The following LHFPL6 variants were observed in gnomAD, a reference collection of about 807,000 sequenced individuals.
The protein encoded by LHFPL6 is LHFPL tetraspan subfamily member 6 protein.
LHFPL6 carries 9 observed loss-of-function variants against 20.6 expected under a neutral mutation model. That is an observed-to-expected ratio of 0.44 (90% CI 0.26 to 0.76). LHFPL6 has a LOEUF of 0.76. Ranked by LOEUF, LHFPL6 falls within the 30% of genes least tolerant of loss-of-function variation. The probability of loss-of-function intolerance (pLI) is 0.20; values close to 1 mark genes in which losing one functional copy is unlikely to be tolerated. For missense variants in LHFPL6, 218 were observed against 253.5 expected (o/e 0.86, Z 0.95); for synonymous variants, 105 against 98.7 (o/e 1.06, Z -0.38).
intron 2 of LHFPL6, among the ~76,000 whole-genome samples, chr13:39,429,499 T>C (rs1012292215): frequency 6.6e-6 from 1 of 152,186 alleles, no homozygotes; most frequent in African/African-American, 2.4e-5. Context: ...TGTCTTTAAA[T>C]TTAAAGTGCA....
intron 2 of LHFPL6, among the ~76,000 whole-genome samples, chr13:39,593,716 T>C (rs1298483831): frequency 1.3e-5 from 2 of 151,940 alleles, no homozygotes; most frequent in Non-Finnish European, 2.9e-5. Flanking sequence ...CTTCAAACTA[T>C]ACTACAAGGC....
At chr13:39,368,412 T>C (rs1870065418) in intron 3 of LHFPL6, among the ~76,000 whole-genome samples, 1 of 152,034 alleles carries the variant, frequency 6.6e-6, no homozygotes, top group Non-Finnish European at 1.5e-5. Flanking sequence ...TGAAACCCTG[T>C]CTCTATTAAA....
intron 2 of LHFPL6, among the ~76,000 whole-genome samples, chr13:39,409,996 A>G (rs1002727219): frequency 7.2e-5 from 11 of 152,366 alleles, no homozygotes; most frequent in African/African-American, 2.6e-4. Context: ...CATGCCCAGC[A>G]CAAAATCCCA....
At chr13:39,352,972 C>T (rs9594329) in intron 3 of LHFPL6, among the ~76,000 whole-genome samples, 15,237 of 66,022 alleles carry the variant, frequency 0.23, 2,289 homozygotes, top group Admixed American at 0.3. Flanking sequence ...CACACACACA[C>T]ATATATATAT....
intron 2 of LHFPL6, among the ~76,000 whole-genome samples, chr13:39,447,345 C>T (rs187190276): frequency 1.3e-5 from 2 of 152,098 alleles, no homozygotes; most frequent in East Asian, 3.9e-4. Flanking sequence ...GTTCATAATG[C>T]CTATACTTCA....
intron 2 of LHFPL6, among the ~76,000 whole-genome samples, chr13:39,408,957 A>C (rs1235530282): frequency 6.6e-6 from 1 of 152,236 alleles, no homozygotes. Context: ...TTTTGTAAAG[A>C]GCCATCACAA....
intron 2 of LHFPL6, among the ~76,000 whole-genome samples, chr13:39,382,447 G>A (rs1206458576): frequency 2.0e-5 from 3 of 152,070 alleles, no homozygotes; most frequent in African/African-American, 7.2e-5. Flanking sequence ...CTGTTTCCCA[G>A]GCTGGAGTGC....
At chr13:39,536,017 G>A (rs929959634) in intron 2 of LHFPL6, among the ~76,000 whole-genome samples, 1 of 152,258 alleles carries the variant, frequency 6.6e-6, no homozygotes, top group East Asian at 1.9e-4. Flanking sequence ...AAGGAAAAAT[G>A]AGACACACTA....
intron 2 of LHFPL6, among the ~76,000 whole-genome samples, chr13:39,518,594 C>T (rs912384359): frequency 2.6e-5 from 4 of 152,102 alleles, no homozygotes; most frequent in Non-Finnish European, 5.9e-5. Context: ...AACTTTTTGA[C>T]ACTTCACACT....
chr13:39,492,798 A>G (rs949500839), intron 2 of LHFPL6, among the ~76,000 whole-genome samples: 1 of 151,996 alleles, frequency 6.6e-6, no homozygotes, highest in Non-Finnish European at 1.5e-5. Context: ...CTCCTGCCTC[A>G]GCCTCCCGAG....
intron 2 of LHFPL6, among the ~76,000 whole-genome samples, chr13:39,418,390 T>C (rs1871400976): frequency 2.2e-5 from 1 of 44,840 alleles, no homozygotes; most frequent in Non-Finnish European, 8.8e-5. Context: ...GTCTTTTTTT[T>C]TTTTTTTTTT....
At position 39,544,032 on chromosome 13, in the gene LHFPL6, A is replaced by G. The variant is rs144545160; in HGVS notation, c.385+56800T>C. On this transcript the variant is annotated intron_variant, in intron 2 of 3. Coordinates refer to ENST00000379589, the MANE Select transcript of LHFPL6 (RefSeq NM_005780.3). ...AAAACTATCATAGACTTTTATTTCAATGGGCAAGAGAGGTATAATTTCCAG... is the reference window on the plus strand; with the variant it reads ...AAAACTATCATAGACTTTTATTTCAGTGGGCAAGAGAGGTATAATTTCCAG... 9.1e-4 allele frequency among the ~76,000 whole-genome samples: 138 copies of G among 152,326 alleles called. 2 individuals are homozygous for G. The highest frequency in any genetic ancestry group is 3.2e-3 in the African/African-American group (135 of 41,570).
intron 2 of LHFPL6, among the ~76,000 whole-genome samples, chr13:39,576,410 G>A (rs757339561): frequency 1.3e-5 from 2 of 152,158 alleles, no homozygotes; most frequent in African/African-American, 2.4e-5. Flanking sequence ...ACAGGTACTA[G>A]TATTAAATAG....
intron 2 of LHFPL6, among the ~76,000 whole-genome samples, chr13:39,489,906 T>G (rs903021394): frequency 3.3e-5 from 5 of 152,074 alleles, no homozygotes; most frequent in African/African-American, 1.2e-4. Context: ...ACTACACAAT[T>G]TCTAAAGGGC....
rs551022763 is a variant in LHFPL6 at position 39,489,011 on chromosome 13, G to A, written c.386-110485C>T. Among the ~76,000 whole-genome samples the A allele has an allele frequency of 2.6e-4, 40 of 152,094 alleles. 1 individual carries two copies. In the South Asian group the frequency reaches 6.4e-3, roughly 25 times the overall value. ...CTTTCCTTCATCTGTTGGCTTTCCC[G>A]CTTTACTCCACCTCACAAATGATCT... On this transcript the variant is annotated intron_variant, in intron 2 of 3. Transcript: ENST00000379589.
In LHFPL6 at chr13:39,450,655, G is replaced by T. The variant is rs908664697; in HGVS notation, c.386-72129C>A. ...TAGTACACCCAGGTGTACTAAGTGG[G>T]TGGCTTCTTGATTTGAACCACTAAA... On this transcript the variant is annotated intron_variant, in intron 2 of 3. Transcript: ENST00000379589. Among the ~76,000 whole-genome samples the T allele has an allele frequency of 2.6e-5, 4 of 152,132 alleles. No individual in the cohort carries two copies. In the South Asian group the frequency reaches 8.3e-4, roughly 32 times the overall value.
chr13:39,403,965 C>T (rs1194555684), intron 2 of LHFPL6, among the ~76,000 whole-genome samples: 1 of 152,162 alleles, frequency 6.6e-6, no homozygotes, highest in Non-Finnish European at 1.5e-5. Flanking sequence ...AGTAGAAGGC[C>T]TGGAATCATG....
chr13:39,526,010 T>A lies in LHFPL6; in HGVS notation c.385+74822A>T, dbSNP rs187397585. Among the ~76,000 whole-genome samples the A allele has an allele frequency of 2.0e-3, 297 of 152,234 alleles. 2 individuals are homozygous for A. Among genetic ancestry groups the A allele is most frequent in the Middle Eastern group, 3.4e-3 (1 of 294 alleles). ...CAACATCTTAGACAGAACCAAGTCC[T>A]CCCAGTTAAAATGAAGGCTCTCACC... On this transcript the variant is annotated intron_variant, in intron 2 of 3. Transcript: ENST00000379589.
intron 2 of LHFPL6, among the ~76,000 whole-genome samples, chr13:39,441,869 G>A (rs1394461721): frequency 5.4e-5 from 7 of 130,578 alleles, no homozygotes; most frequent in East Asian, 2.3e-4. Context: ...CACTCTTGTC[G>A]CCTGGACTGG....
Sources: gnomAD v4.1 joint callset for allele counts (sites outside exome capture counted in the v4.1 genomes callset) on GRCh38, gnomAD v4.1.1 for gene constraint, MANE v1.5 for transcripts, NCBI Gene and HGNC (gene_info 2026-07-23, HGNC 2026-07-21) for gene names.